BCAT1: variants seen among roughly 807,000 people sequenced by gnomAD.
BCAT1 encodes branched-chain-amino-acid aminotransferase, cytosolic.
Under a neutral mutation model 52.4 loss-of-function variants are expected in BCAT1, and 48 were observed. The observed-to-expected ratio is 0.92, with a 90% confidence interval of 0.73 to 1.16. The LOEUF is 1.16. Ranked by LOEUF, BCAT1 falls within the 50% of genes most tolerant of loss-of-function variation. The pLI is 0.00. For missense variants in BCAT1, 451 were observed against 457.1 expected (o/e 0.99, Z 0.12); for synonymous variants, 167 against 161.3 (o/e 1.04, Z -0.27).
intron 3 of BCAT1, among the ~76,000 whole-genome samples, chr12:24,885,276 A>C (rs548067921): frequency 3.9e-4 from 60 of 152,310 alleles, no homozygotes; most frequent in African/African-American, 1.4e-3. Flanking sequence ...GCAGTTAAAA[A>C]ATAAAAACAC....
intron 2 of BCAT1, 26 bp downstream of exon 2, chr12:24,901,788 C>T (rs1943109699): frequency 1.2e-6 from 2 of 1,607,290 alleles, no homozygotes; most frequent in East Asian, 4.5e-5. Flanking sequence ...TTGCTTTAGA[C>T]ACTAAGCCTC....
At chr12:24,880,299 T>TA (rs989368472) in intron 4 of BCAT1, among the ~76,000 whole-genome samples, 10 of 152,070 alleles carry the variant, frequency 6.6e-5, no homozygotes, top group Non-Finnish European at 1.5e-4. Flanking sequence ...AAATAATTTT[T>TA]AAAAAAATTA....
chr12:24,894,475 C>T lies in BCAT1; in HGVS notation c.79G>A (p.Ala27Thr), dbSNP rs764598571. 5 of 1,582,512 alleles carry T rather than the reference C, an allele frequency of 3.2e-6. No individual in the cohort carries two copies. The East Asian group carries it at 1.1e-4, about 36-fold the overall frequency. The change falls in exon 3 of 11, where the codon GCT (alanine) becomes ACT (threonine). Residue 27 changes from alanine to threonine, a missense_variant and splice_region_variant. Transcript: ENST00000261192. ...GSKEVVGTFK[A>T]KDLIVTPATI... ...GCTGGTGTGACTATTAGGTCTTTAGCCTGGGGAAGAAAAATCATCACTATT... is the reference window on the plus strand; with the variant it reads ...GCTGGTGTGACTATTAGGTCTTTAGTCTGGGGAAGAAAAATCATCACTATT...
chr12:24,824,706 G>A (rs553842123), intron 10 of BCAT1, among the ~76,000 whole-genome samples: 1 of 151,944 alleles, frequency 6.6e-6, no homozygotes, highest in African/African-American at 2.4e-5. Flanking sequence ...TGTATAATTT[G>A]TTCAAGAAAA....
chr12:24,819,055 A>G (rs1939999393), intron 10 of BCAT1, among the ~76,000 whole-genome samples: 1 of 152,100 alleles, frequency 6.6e-6, no homozygotes, highest in Non-Finnish European at 1.5e-5. Flanking sequence ...GAGAAAACTG[A>G]ATATTAGGGA....
At position 24,849,852 on chromosome 12, in the gene BCAT1, G is replaced by A; in HGVS notation, c.608C>T (p.Ser203Phe). Residue 203 changes from serine to phenylalanine, a missense_variant, in exon 6 of 11, where the codon TCC becomes TTC. Ser to Phe is a radical substitution (Grantham distance 155). Transcript: ENST00000261192. ...TACATACTTGGGATTGGCCCACAGGGACACTGGATTAAAGGTTCCACTTGA... is the reference window on the plus strand; with the variant it reads ...TACATACTTGGGATTGGCCCACAGGAACACTGGATTAAAGGTTCCACTTGA... ...YFSSGTFNPV[S>F]LWANPKYVRA... 6.2e-7 allele frequency: 1 copy of A among 1,613,792 alleles called. No individual in the cohort carries two copies. Among genetic ancestry groups the A allele is most frequent in the Non-Finnish European group, 8.5e-7 (1 of 1,179,788 alleles).
At chr12:24,834,805 G>A in intron 8 of BCAT1, 2 of 1,146,838 alleles carry the variant, frequency 1.7e-6, no homozygotes, top group Non-Finnish European at 2.2e-6. Flanking sequence ...TGAGTTCTGT[G>A]TCCTGAAAAA....
At chr12:24,818,158 T>C (rs1598088069) in intron 10 of BCAT1, 109 bp from the exon 11 acceptor site, 1 of 1,043,488 alleles carries the variant, frequency 9.6e-7, no homozygotes, top group Non-Finnish European at 1.5e-6. Flanking sequence ...CGCTTCTGCT[T>C]TGAACAACAT....
chr12:24,824,455 C>T (rs1280564759), intron 10 of BCAT1, among the ~76,000 whole-genome samples: 1 of 152,078 alleles, frequency 6.6e-6, no homozygotes, highest in Non-Finnish European at 1.5e-5. Context: ...TGTGCCACCA[C>T]ACTTGCTATT....
Position 24,849,770 on chromosome 12 carries a change from A to G in BCAT1, c.674+16T>C, listed in dbSNP as rs1941449427. 2.5e-6 allele frequency: 4 copies of G among 1,600,780 alleles called. No individual in the cohort carries two copies. Among genetic ancestry groups the G allele is most frequent in the Non-Finnish European group, 3.4e-6 (4 of 1,170,848 alleles). The stretch of plus-strand genomic sequence containing the variant: ...GAAGGTGTCTTTCCTTTAGACAGAG[A>G]CACAGATTTACTTACCCTCCCATCT... On this transcript the variant is annotated intron_variant, in intron 6 of 10. Transcript: ENST00000261192.
At chr12:24,882,746 G>A (rs1015577994) in intron 3 of BCAT1, among the ~76,000 whole-genome samples, 1 of 151,626 alleles carries the variant, frequency 6.6e-6, no homozygotes, top group Non-Finnish European at 1.5e-5. Flanking sequence ...CTACAGGCGC[G>A]CACCACCACG....
At chr12:24,899,560 A>G (rs1943039478) in intron 2 of BCAT1, among the ~76,000 whole-genome samples, 1 of 152,218 alleles carries the variant, frequency 6.6e-6, no homozygotes. Flanking sequence ...GGAAATCAGT[A>G]TATCAAAGGG....
rs181019217 is a variant in BCAT1, at chr12:24,913,097, T to A, written c.7-11212A>T. Among the ~76,000 whole-genome samples, 12 of 152,334 alleles carry A rather than the reference T, an allele frequency of 7.9e-5. No individual in the cohort carries two copies. The East Asian group carries it at 2.3e-3, about 29-fold the overall frequency. On this transcript the variant is annotated intron_variant, in intron 1 of 10. Transcript: ENST00000261192. Reference sequence around the variant, plus strand: ...TTAAGAGCAAGGAGAGTATGCTTTTTAAATGCCATTGGTTCATGTGCCACA... The same window carrying A: ...TTAAGAGCAAGGAGAGTATGCTTTTAAAATGCCATTGGTTCATGTGCCACA...
At chr12:24,837,679 G>C (rs751510085) in intron 7 of BCAT1, among the ~76,000 whole-genome samples, 1 of 151,832 alleles carries the variant, frequency 6.6e-6, no homozygotes, top group African/African-American at 2.4e-5. Flanking sequence ...TGCCCACTTC[G>C]GCCTCCCAAA....
chr12:24,894,499 T>C, intron 2 of BCAT1, 24 bp from the exon 3 acceptor site: 1 of 1,553,556 alleles, frequency 6.4e-7, no homozygotes, highest in East Asian at 2.3e-5. Flanking sequence ...ATCATCACTA[T>C]TTACAGAAAA....
chr12:24,832,239 T>C (rs148662604), intron 9 of BCAT1, among the ~76,000 whole-genome samples: 5 of 152,164 alleles, frequency 3.3e-5, no homozygotes, highest in Non-Finnish European at 7.4e-5. Context: ...AATCCCGACA[T>C]GTAGGTAAGA....
intron 4 of BCAT1, among the ~76,000 whole-genome samples, chr12:24,879,037 C>A (rs1942424743): frequency 6.6e-6 from 1 of 152,112 alleles, no homozygotes. Context: ...CCATACCCCC[C>A]AATCAATTCT....
intron 10 of BCAT1, among the ~76,000 whole-genome samples, chr12:24,821,992 C>G (rs1413788731): frequency 6.6e-6 from 1 of 152,126 alleles, no homozygotes; most frequent in East Asian, 1.9e-4. Flanking sequence ...GAGAGCAGAA[C>G]ACAACTGCAG....
intron 6 of BCAT1, among the ~76,000 whole-genome samples, chr12:24,842,969 G>A (rs996865754): frequency 6.6e-6 from 1 of 152,064 alleles, no homozygotes; most frequent in Non-Finnish European, 1.5e-5. Context: ...ATAAAATAAG[G>A]ATGAATATTT....
Sources: gnomAD v4.1 joint callset for allele counts (sites outside exome capture counted in the v4.1 genomes callset) on GRCh38, gnomAD v4.1.1 for gene constraint, MANE v1.5 for transcripts, NCBI Gene and HGNC (gene_info 2026-07-23, HGNC 2026-07-21) for gene names.